Variants in NOL4 observed in about 807,000 individuals in gnomAD.
The protein encoded by NOL4 is nucleolar protein 4, also known as cancer/testis antigen 125.
NOL4 carries 17 observed loss-of-function variants against 75.9 expected under a neutral mutation model. That is an observed-to-expected ratio of 0.22 (90% confidence interval 0.15 to 0.34). The LOEUF is 0.34. Among genes scored for constraint, NOL4 ranks in the 10% least tolerant of loss-of-function variants. The pLI, the probability that NOL4 is intolerant of heterozygous loss-of-function variation, is 1.00. For synonymous variants in NOL4, 292 were observed against 289.9 expected (o/e 1.01, Z -0.07); for missense variants, 614 against 793.5 (o/e 0.77, Z 2.72).
chr18:33,935,586 G>T (rs1216852505), intron 9 of NOL4, among the ~76,000 whole-genome samples: 1 of 152,056 alleles, frequency 6.6e-6, no homozygotes, highest in African/African-American at 2.4e-5. Context: ...ATATAATCAT[G>T]ATGAAAAATT....
chr18:33,882,562 G>A lies in NOL4; in HGVS notation c.1723+682C>T, dbSNP rs1206225866. Among the ~76,000 whole-genome samples the A allele has an allele frequency of 7.6e-3, 1,150 of 150,410 alleles. 10 individuals are homozygous for A. The highest frequency in any genetic ancestry group is 0.026 in the African/African-American group (1,066 of 40,990). Reference sequence around the variant, plus strand: ...ATTAAAAAGTCAGGAAACAACAGGTGCTGGAGAGGATGTGGAGAAATAGGA... The same window carrying A: ...ATTAAAAAGTCAGGAAACAACAGGTACTGGAGAGGATGTGGAGAAATAGGA... On this transcript the variant is annotated intron_variant, in intron 10 of 10. Transcript: ENST00000261592.
chr18:33,882,656 C>T (rs990255665), intron 10 of NOL4, among the ~76,000 whole-genome samples: 1 of 150,798 alleles, frequency 6.6e-6, no homozygotes, highest in Non-Finnish European at 1.5e-5. Context: ...GGCGATTCCT[C>T]AGGGATCTAG....
At position 33,856,056 on chromosome 18, in the gene NOL4, A is replaced by G. The variant is rs149593784; in HGVS notation, c.1724-3021T>C. ...ATCAAAAATTAGACTGAAGGTAAGA[A>G]TGCAAGGCCCATAAACGCAGGCACG... On this transcript the variant is annotated intron_variant, in intron 10 of 10. Coordinates refer to ENST00000261592, the MANE Select transcript of NOL4 (RefSeq NM_003787.5). Among the ~76,000 whole-genome samples the G allele has an allele frequency of 6.1e-3, 934 of 152,158 alleles. 4 individuals carry two copies. Among genetic ancestry groups the G allele is most frequent in the Admixed American group, 0.012 (180 of 15,252 alleles).
chr18:33,877,602 T>C (rs1251213720), intron 10 of NOL4, among the ~76,000 whole-genome samples: 1 of 152,058 alleles, frequency 6.6e-6, no homozygotes, highest in East Asian at 1.9e-4. Context: ...TCATGTCCCT[T>C]TAGCCTCTGT....
At chr18:33,854,565 TTC>T (rs2062757885) in intron 10 of NOL4, among the ~76,000 whole-genome samples, 2 of 152,102 alleles carry the variant, frequency 1.3e-5, no homozygotes, top group African/African-American at 4.8e-5. Flanking sequence ...ATTTGGAAAA[TTC>T]TGAGTGGATT....
Position 33,942,048 on chromosome 18 carries a change from A to G in NOL4, c.1542+1017T>C, listed in dbSNP as rs567384563. Among the ~76,000 whole-genome samples the G allele has an allele frequency of 6.2e-4, 95 of 152,100 alleles. 1 individual carries two copies. The highest frequency in any genetic ancestry group is 1.8e-3 in the African/African-American group (76 of 41,544). Reference sequence around the variant, plus strand: ...GCATTTAGAATTATTAGCACATGACATTTTAATAATAAACACATCAAATCA... The same window carrying G: ...GCATTTAGAATTATTAGCACATGACGTTTTAATAATAAACACATCAAATCA... On this transcript the variant is annotated intron_variant, in intron 9 of 10. Coordinates refer to ENST00000261592, the MANE Select transcript of NOL4 (RefSeq NM_003787.5).
intron 5 of NOL4, among the ~76,000 whole-genome samples, chr18:34,022,628 C>T (rs2075110149): frequency 6.6e-6 from 1 of 151,830 alleles, no homozygotes; most frequent in Admixed American, 6.6e-5. Flanking sequence ...TATTCAACTC[C>T]AATTTTTAAT....
At chr18:34,176,982 C>A (rs2033610180) in intron 1 of NOL4, among the ~76,000 whole-genome samples, 1 of 150,786 alleles carries the variant, frequency 6.6e-6, no homozygotes, top group African/African-American at 2.4e-5. Context: ...GAGTTGATAT[C>A]TTTTTTTTTA....
At chr18:34,221,940 C>G in intron 1 of NOL4, 1 of 1,216,556 alleles carries the variant, frequency 8.2e-7, no homozygotes, top group Non-Finnish European at 1.2e-6. Flanking sequence ...GGAAGAAATG[C>G]TCAAGAAACC....
intron 5 of NOL4, among the ~76,000 whole-genome samples, chr18:34,080,038 C>A (rs9960513): frequency 0.016 from 2,408 of 152,224 alleles, 67 homozygotes; most frequent in African/African-American, 0.055. Flanking sequence ...CAAAGCATAC[C>A]TAATACCAAA....
chr18:33,861,759 T>G (rs955922671), intron 10 of NOL4, among the ~76,000 whole-genome samples: 23 of 151,842 alleles, frequency 1.5e-4, no homozygotes, highest in African/African-American at 4.6e-4. Flanking sequence ...ACTGCTCAAT[T>G]AAATAAAAGA....
At chr18:34,110,363 T>C (rs1232337771) in intron 2 of NOL4, among the ~76,000 whole-genome samples, 1 of 152,078 alleles carries the variant, frequency 6.6e-6, no homozygotes, top group Admixed American at 6.6e-5. Context: ...ATCACTAGGA[T>C]GCAAGGATGT....
chr18:33,866,810 C>T (rs2144399381), intron 10 of NOL4, among the ~76,000 whole-genome samples: 1 of 152,204 alleles, frequency 6.6e-6, no homozygotes, highest in South Asian at 2.1e-4. Context: ...GCTGAACAAA[C>T]ATACTACATA....
intron 9 of NOL4, among the ~76,000 whole-genome samples, chr18:33,892,649 C>CCTT (rs112516019): frequency 0.83 from 124,110 of 150,402 alleles, 51,185 homozygotes; most frequent in East Asian, 0.95. Context: ...TTCTCCTTCT[C>CCTT]CTTCTTCTTC....
chr18:34,142,934 T>C (rs2081241862), intron 1 of NOL4, among the ~76,000 whole-genome samples: 3 of 151,972 alleles, frequency 2.0e-5, no homozygotes, highest in Non-Finnish European at 2.9e-5. Flanking sequence ...TCAGGAAAAA[T>C]AACAGTACAA....
intron 10 of NOL4, among the ~76,000 whole-genome samples, chr18:33,858,373 T>C (rs2062930809): frequency 6.6e-6 from 1 of 151,960 alleles, no homozygotes; most frequent in African/African-American, 2.4e-5. Flanking sequence ...GATATTGTAG[T>C]TCTTTTGCCA....
chr18:34,162,352 A>C (rs2031627912), intron 1 of NOL4, among the ~76,000 whole-genome samples: 1 of 152,202 alleles, frequency 6.6e-6, no homozygotes, highest in Non-Finnish European at 1.5e-5. Context: ...AAGACTAATA[A>C]AGAAGAAAAG....
At chr18:33,857,881 C>T (rs2062909738) in intron 10 of NOL4, among the ~76,000 whole-genome samples, 1 of 152,102 alleles carries the variant, frequency 6.6e-6, no homozygotes, top group African/African-American at 2.4e-5. Flanking sequence ...CTTCACACCT[C>T]TTAGTTCCAC....
chr18:33,921,558 T>G (rs1030409909), intron 9 of NOL4, among the ~76,000 whole-genome samples: 4 of 152,046 alleles, frequency 2.6e-5, no homozygotes, highest in Non-Finnish European at 4.4e-5. Flanking sequence ...TTGTATTCTT[T>G]TAGGAAGAGG....
Sources: allele counts gnomAD v4.1 joint callset (sites outside exome capture counted in the v4.1 genomes callset), GRCh38; gene constraint gnomAD v4.1.1; transcripts MANE v1.5; gene names NCBI Gene and HGNC (gene_info 2026-07-23, HGNC 2026-07-21).